Variants in TMEM150C observed in about 807,000 individuals in gnomAD.
The protein encoded by TMEM150C is tentonin 3.
TMEM150C carries 10 observed loss-of-function variants against 29.9 expected under a neutral mutation model. The observed-to-expected ratio is 0.33, with a 90% CI of 0.21 to 0.57. The LOEUF is 0.57. Among genes scored for constraint, TMEM150C ranks in the 20% least tolerant of loss-of-function variants. The pLI is 0.88. For missense variants in TMEM150C, 251 were observed against 303.6 expected, an observed-to-expected ratio of 0.83 and a Z score of 1.29; for synonymous variants, 101 against 112.5, an observed-to-expected ratio of 0.90 and a Z score of 0.64.
intron 4 of TMEM150C, 36 bp downstream of exon 4, chr4:82,502,859 A>G (rs1367278564): frequency 3.1e-6 from 5 of 1,595,372 alleles, no homozygotes; most frequent in Non-Finnish European, 4.3e-6. Context: ...AACTTTTCCT[A>G]CGGTCCCACA....
intron 1 of TMEM150C, among the ~76,000 whole-genome samples, chr4:82,551,366 A>G (rs566492950): frequency 6.6e-6 from 1 of 152,324 alleles, no homozygotes; most frequent in African/African-American, 2.4e-5. Flanking sequence ...CATTTTGTTC[A>G]GTGCTCTATC....
rs1184621487 is a variant in TMEM150C at position 82,519,429 on chromosome 4, T to TCTTA, written c.-10-14763_-10-14762insTAAG. 1.4e-3 allele frequency among the ~76,000 whole-genome samples: 214 copies of TCTTA among 151,814 alleles called. 1 individual carries two copies. Among genetic ancestry groups the TCTTA allele is most frequent in the Admixed American group, 3.1e-3 (47 of 15,254 alleles). ...CTTTCTTTTTCTTTCTTTCTTTCTTTCTTTCTTTTTTTTTAGATGGAGTCT... is the reference window on the plus strand; with the variant it reads ...CTTTCTTTTTCTTTCTTTCTTTCTTTCTTACTTTCTTTTTTTTTAGATGGAGTCT... On this transcript the variant is annotated intron_variant, in intron 1 of 7. Coordinates refer to ENST00000449862, the MANE Select transcript of TMEM150C (RefSeq NM_001080506.3).
At chr4:82,515,071 A>C (rs1724248464) in intron 1 of TMEM150C, among the ~76,000 whole-genome samples, 1 of 152,182 alleles carries the variant, frequency 6.6e-6, no homozygotes, top group Admixed American at 6.5e-5. Context: ...ATTAGCTACT[A>C]GAGAGGTACA....
chr4:82,523,985 A>G (rs1195758527), intron 1 of TMEM150C, among the ~76,000 whole-genome samples: 1 of 151,888 alleles, frequency 6.6e-6, no homozygotes, highest in Non-Finnish European at 1.5e-5. Flanking sequence ...CCTGGCCTCA[A>G]ATAACCTACT....
Position 82,486,335 on chromosome 4 carries a change from TAAAAAAAAA to T in TMEM150C, c.542-625_542-617del, listed in dbSNP as rs527967958. Among the ~76,000 whole-genome samples, 113 of 51,308 alleles carry T rather than the reference TAAAAAAAAA, an allele frequency of 2.2e-3. No individual in the cohort carries two copies. In the South Asian group the frequency reaches 0.024, roughly 11 times the overall value. The allele number at this position is 51,308 out of a possible 152,430, so 33.7% of individuals were successfully genotyped here. A position where few individuals can be genotyped will look rare whatever the true frequency, so the allele number is the denominator to read the frequency against. On this transcript the variant is annotated intron_variant, in intron 7 of 7. Coordinates refer to ENST00000449862, the MANE Select transcript of TMEM150C (RefSeq NM_001080506.3). Reference sequence around the variant, plus strand: ...TGGTGGACAGAGCGAGACTCCATCTTAAAAAAAAAAAAAAAAAAAAAAAAAAAAGAAGAA... The same window carrying T: ...TGGTGGACAGAGCGAGACTCCATCTTAAAAAAAAAAAAAAAAAAAGAAGAA...
chr4:82,506,242 G>A (rs1181045882), intron 1 of TMEM150C, among the ~76,000 whole-genome samples: 2 of 152,162 alleles, frequency 1.3e-5, no homozygotes, highest in African/African-American at 4.8e-5. Flanking sequence ...GATGCTCCTC[G>A]CTTCAGGCTG....
chr4:82,487,747 A>C (rs1037634400), intron 7 of TMEM150C, among the ~76,000 whole-genome samples: 2 of 152,204 alleles, frequency 1.3e-5, no homozygotes, highest in Non-Finnish European at 2.9e-5. Context: ...TGAAGAAAAA[A>C]TAAATAGTCC....
Position 82,485,418 on chromosome 4 carries a change from G to GTGTGTT in TMEM150C, c.*92_*93insAACACA. On this transcript the variant is annotated 3_prime_UTR_variant, in exon 8 of 8. Transcript: ENST00000449862. ...TGAATGTGTGTGTGTGTGTGTGTGTGAAATGAGGTTCTATGTCAAGTCCTG... is the reference window on the plus strand; with the variant it reads ...TGAATGTGTGTGTGTGTGTGTGTGTGTGTGTTAAATGAGGTTCTATGTCAAGTCCTG... 1.1e-6 allele frequency: 1 copy of GTGTGTT among 923,590 alleles called. No homozygotes were observed. The highest frequency in any genetic ancestry group is 1.7e-6 in the Non-Finnish European group (1 of 592,962). 57.2% of individuals were successfully genotyped at this position (923,590 alleles called of 1,614,324 possible). A position where few individuals can be genotyped will look rare whatever the true frequency, so the allele number is the denominator to read the frequency against.
chr4:82,537,200 T>C (rs1374847905), intron 1 of TMEM150C, among the ~76,000 whole-genome samples: 1 of 152,136 alleles, frequency 6.6e-6, no homozygotes, highest in Non-Finnish European at 1.5e-5. Flanking sequence ...TTAGCCAGGA[T>C]GGTCTCGATC....
chr4:82,520,754 G>C (rs951067239), intron 1 of TMEM150C, among the ~76,000 whole-genome samples: 3 of 152,158 alleles, frequency 2.0e-5, no homozygotes, highest in African/African-American at 7.2e-5. Context: ...TGTAGTGGCA[G>C]GTGCCTGTAG....
intron 1 of TMEM150C, among the ~76,000 whole-genome samples, chr4:82,513,129 G>A (rs1397370640): frequency 4.6e-5 from 7 of 152,312 alleles, no homozygotes; most frequent in African/African-American, 1.7e-4. Flanking sequence ...CTTGACCCCC[G>A]TGCCTCCTGA....
intron 5 of TMEM150C, among the ~76,000 whole-genome samples, chr4:82,496,933 T>C (rs956419891): frequency 3.9e-5 from 6 of 152,226 alleles, no homozygotes; most frequent in Non-Finnish European, 8.8e-5. Context: ...ACATAGCAGA[T>C]TGAGGGATTT....
chr4:82,512,294 A>G (rs534750875), intron 1 of TMEM150C, among the ~76,000 whole-genome samples: 2 of 152,356 alleles, frequency 1.3e-5, no homozygotes, highest in Non-Finnish European at 2.9e-5. Flanking sequence ...ACATACTGAG[A>G]ATGGCAGATT....
At chr4:82,527,520 C>G (rs1211677900) in intron 1 of TMEM150C, among the ~76,000 whole-genome samples, 1 of 152,178 alleles carries the variant, frequency 6.6e-6, no homozygotes, top group African/African-American at 2.4e-5. Context: ...CTGCAGGACA[C>G]TCACACCATC....
chr4:82,525,353 TGAG>T (rs1560491770), intron 1 of TMEM150C, among the ~76,000 whole-genome samples: 5 of 152,184 alleles, frequency 3.3e-5, no homozygotes, highest in African/African-American at 1.2e-4. Context: ...ATGCTGAAAC[TGAG>T]TAATAAAACC....
In TMEM150C at chr4:82,484,155, T is replaced by C. The variant is rs1429261262; in HGVS notation, c.*1356A>G. ...ACCTCTATGGGGTAAATCTGGGGAT[T>C]TCTTGGAAGAAAGTGCACTCATGGA... On this transcript the variant is annotated 3_prime_UTR_variant, in exon 8 of 8. Transcript: ENST00000449862. 1 of 152,102 alleles carries C rather than the reference T, an allele frequency of 6.6e-6. No individual in the cohort carries two copies. Among genetic ancestry groups the C allele is most frequent in the African/African-American group, 2.4e-5 (1 of 41,418 alleles). 9.4% of individuals were successfully genotyped at this position (152,102 alleles called of 1,614,324 possible).
intron 6 of TMEM150C, 62 bp downstream of exon 6, chr4:82,496,006 T>C (rs1461393215): frequency 5.6e-6 from 9 of 1,602,874 alleles, no homozygotes; most frequent in African/African-American, 1.3e-5. Context: ...ATAGCTTTGA[T>C]AGTCTCAGAA....
chr4:82,502,523 A>G (rs532287316), intron 5 of TMEM150C, among the ~76,000 whole-genome samples: 1 of 152,356 alleles, frequency 6.6e-6, no homozygotes, highest in South Asian at 2.1e-4. Context: ...AAGGGAAGAG[A>G]AAATGTAAGG....
chr4:82,562,249 A>G, upstream of TMEM150C: 2 of 1,282,158 alleles, frequency 1.6e-6, no homozygotes, highest in African/African-American at 1.5e-5. Context: ...TCATCCAACA[A>G]AAGGAAGGAC....
Sources: gnomAD v4.1 joint callset for allele counts (sites outside exome capture counted in the v4.1 genomes callset) on GRCh38, gnomAD v4.1.1 for gene constraint, MANE v1.5 for transcripts, NCBI Gene and HGNC (gene_info 2026-07-23, HGNC 2026-07-21) for gene names.